Variants in SLC4A7 observed in about 807,000 individuals in gnomAD.
SLC4A7 encodes the protein sodium bicarbonate cotransporter 3.
Under a neutral mutation model 137.6 loss-of-function variants are expected in SLC4A7, and 51 were observed. That is an observed-to-expected ratio of 0.37 (90% CI 0.30 to 0.47). The LOEUF is 0.47. SLC4A7 is among the 20% of genes least tolerant of loss of function. The pLI, the probability that SLC4A7 is intolerant of heterozygous loss-of-function variation, is 1.00. For missense variants in SLC4A7, 1,247 were observed against 1,525.4 expected (o/e 0.82, Z 3.04); for synonymous variants, 542 against 518.6 (o/e 1.05, Z -0.61).
At chr3:27,413,195 A>G (rs1364701111) in intron 11 of SLC4A7, among the ~76,000 whole-genome samples, 1 of 152,174 alleles carries the variant, frequency 6.6e-6, no homozygotes, top group Non-Finnish European at 1.5e-5. Flanking sequence ...GAAACTGGTA[A>G]TATACTAGGA....
At chr3:27,478,246 G>A (rs992247011) in intron 1 of SLC4A7, among the ~76,000 whole-genome samples, 10 of 151,992 alleles carry the variant, frequency 6.6e-5, no homozygotes, top group Admixed American at 1.3e-4. Flanking sequence ...GGCAGGGTGC[G>A]GTGGCTCACA....
intron 18 of SLC4A7, among the ~76,000 whole-genome samples, chr3:27,395,851 A>G (rs1559653855): frequency 6.6e-6 from 1 of 152,200 alleles, no homozygotes; most frequent in Admixed American, 6.5e-5. Flanking sequence ...CTAAACTCCT[A>G]AACTAAACTG....
At chr3:27,380,457 C>T (rs568747873) in intron 24 of SLC4A7, among the ~76,000 whole-genome samples, 40 of 151,980 alleles carry the variant, frequency 2.6e-4, no homozygotes, top group African/African-American at 9.7e-4. Flanking sequence ...CAAGATTGTC[C>T]ATCATAAGTA....
rs1354988334 is a variant in SLC4A7, at chr3:27,374,381, C to G, written c.*2383G>C. 1 of 152,538 alleles carries G rather than the reference C, an allele frequency of 6.6e-6. No individual in the cohort carries two copies. The highest frequency in any genetic ancestry group is 2.4e-5 in the African/African-American group (1 of 41,448). 9.4% of individuals were successfully genotyped at this position (152,538 alleles called of 1,614,324 possible). A position where few individuals can be genotyped will look rare whatever the true frequency, so the allele number is the denominator to read the frequency against. ...CATAGCAACTACTACTGCTTACATA[C>G]ACTTATTTAAGGCAACTTTATTTAA... On this transcript the variant is annotated 3_prime_UTR_variant, in exon 26 of 26. Coordinates refer to ENST00000454389, the MANE Select transcript of SLC4A7 (RefSeq NM_001321103.2).
intron 6 of SLC4A7, among the ~76,000 whole-genome samples, chr3:27,432,782 G>A (rs1228906015): frequency 6.6e-6 from 1 of 152,150 alleles, no homozygotes; most frequent in Non-Finnish European, 1.5e-5. Flanking sequence ...ACAATAGTGA[G>A]GAACAACTGC....
chr3:27,420,830 C>T (rs755100085), intron 9 of SLC4A7, 43 bp from the exon 10 acceptor site: 20 of 1,299,488 alleles, frequency 1.5e-5, no homozygotes, highest in Admixed American at 5.1e-5. Context: ...AAACATCATA[C>T]ACCCACAAAG....
At chr3:27,443,385 T>G (rs1375571724) in intron 3 of SLC4A7, among the ~76,000 whole-genome samples, 1 of 152,066 alleles carries the variant, frequency 6.6e-6, no homozygotes, top group African/African-American at 2.4e-5. Context: ...CTAATACTGG[T>G]GATTTGTGGG....
At chr3:27,445,312 C>T (rs1478459419) in intron 3 of SLC4A7, among the ~76,000 whole-genome samples, 1 of 152,108 alleles carries the variant, frequency 6.6e-6, no homozygotes, top group Non-Finnish European at 1.5e-5. Context: ...ATTCTAGCCT[C>T]TTTGACCTCC....
intron 1 of SLC4A7, among the ~76,000 whole-genome samples, chr3:27,477,931 A>C (rs2059532910): frequency 6.6e-6 from 1 of 152,064 alleles, no homozygotes; most frequent in African/African-American, 2.4e-5. Flanking sequence ...CTCTTTTGAA[A>C]ACCATTCCAC....
intron 3 of SLC4A7, among the ~76,000 whole-genome samples, chr3:27,447,165 CG>C (rs1403630422): frequency 4.0e-5 from 6 of 151,658 alleles, no homozygotes; most frequent in African/African-American, 1.5e-4. Flanking sequence ...CAATTGCAAG[CG>C]TGAGCCACCG....
chr3:27,449,347 AAATAT>A (rs1389804874), intron 2 of SLC4A7, among the ~76,000 whole-genome samples: 5 of 148,870 alleles, frequency 3.4e-5, no homozygotes, highest in South Asian at 2.1e-4. Context: ...ACTTTATAAT[AAATAT>A]AATATATAAA....
chr3:27,407,127 T>C (rs1425681281), intron 13 of SLC4A7, among the ~76,000 whole-genome samples: 1 of 115,330 alleles, frequency 8.7e-6, no homozygotes, highest in East Asian at 2.7e-4. Flanking sequence ...TTTTTTTTTT[T>C]CTAATTTTTG....
At chr3:27,409,155 T>TA (rs1338166852) in intron 13 of SLC4A7, among the ~76,000 whole-genome samples, 2 of 152,190 alleles carry the variant, frequency 1.3e-5, no homozygotes, top group African/African-American at 4.8e-5. Flanking sequence ...AATTTTTTTT[T>TA]ACCTCAACTG....
At chr3:27,456,833 G>T in intron 1 of SLC4A7, 1 of 1,398,728 alleles carries the variant, frequency 7.1e-7, no homozygotes, top group Non-Finnish European at 9.2e-7. Flanking sequence ...CAATCACTGT[G>T]TTCTAAGTTA....
chr3:27,448,654 A>G lies in SLC4A7; in HGVS notation c.286T>C (p.Tyr96His), dbSNP rs2057849380. ...AAGAAGAACTGTTTTCTCTTACCAT[A>G]AGAAGGAGATTCCCGTCCATCTTCT... Reference protein sequence around the residue: ...DKEDGRESPSYDTPSQRVQFI... With the variant: ...DKEDGRESPSHDTPSQRVQFI... The change falls in exon 3 of 26, where the codon TAT becomes CAT. Residue 96 changes from tyrosine (Y) to histidine (H), a missense_variant. Coordinates refer to ENST00000454389, the MANE Select transcript of SLC4A7 (RefSeq NM_001321103.2). The G allele has an allele frequency of 1.9e-6, 3 of 1,610,022 alleles. No individual in the cohort carries two copies. Among genetic ancestry groups the G allele is most frequent in the Non-Finnish European group, 2.5e-6 (3 of 1,178,282 alleles).
chr3:27,445,048 A>T (rs1409324777), intron 3 of SLC4A7, among the ~76,000 whole-genome samples: 1 of 152,222 alleles, frequency 6.6e-6, no homozygotes, highest in Non-Finnish European at 1.5e-5. Context: ...GAGCCTTCTG[A>T]GAACTCTATC....
chr3:27,397,329 T>C (rs2052287361), intron 18 of SLC4A7, among the ~76,000 whole-genome samples: 1 of 151,976 alleles, frequency 6.6e-6, no homozygotes. Flanking sequence ...GTTACTTCTT[T>C]ATAAAAAAAT....
chr3:27,445,247 T>G (rs2057499356), intron 3 of SLC4A7, among the ~76,000 whole-genome samples: 1 of 152,160 alleles, frequency 6.6e-6, no homozygotes, highest in African/African-American at 2.4e-5. Flanking sequence ...AAGGATCCTT[T>G]TTCAGATCTT....
At chr3:27,383,081 A>G in intron 24 of SLC4A7, 72 bp downstream of exon 24, 1 of 874,034 alleles carries the variant, frequency 1.1e-6, no homozygotes. Context: ...ATCACTTTAA[A>G]GAAGCATTAT....
Sources: allele counts gnomAD v4.1 joint callset (sites outside exome capture counted in the v4.1 genomes callset), GRCh38; gene constraint gnomAD v4.1.1; transcripts MANE v1.5; gene names NCBI Gene and HGNC (gene_info 2026-07-23, HGNC 2026-07-21).